RAP1GAP2: variants seen among roughly 807,000 people sequenced by gnomAD.
RAP1GAP2 encodes the protein rap1 GTPase-activating protein 2.
RAP1GAP2 carries 27 observed loss-of-function variants against 95.0 expected under a neutral mutation model. The ratio of observed to expected loss-of-function variants is 0.28; its 90% confidence interval spans 0.21 to 0.39. The LOEUF (loss-of-function observed/expected upper bound fraction) is 0.39, where lower values mean the gene tolerates loss of function less well. Ranked by LOEUF, RAP1GAP2 falls within the 10% of genes least tolerant of loss-of-function variation. The probability of loss-of-function intolerance (pLI) is 1.00; values close to 1 mark genes in which losing one functional copy is unlikely to be tolerated. For missense variants in RAP1GAP2, 771 were observed against 970.0 expected, an observed-to-expected ratio of 0.79 and a Z score of 2.72; for synonymous variants, 373 against 380.9, an observed-to-expected ratio of 0.98 and a Z score of 0.24.
At position 2,827,791 on chromosome 17, in the gene RAP1GAP2, T is replaced by C. The variant is rs1365615426; in HGVS notation, c.80+27241T>C. Among the ~76,000 whole-genome samples, 1 of 150,472 alleles carries C rather than the reference T, an allele frequency of 6.6e-6. No homozygotes were observed. On this transcript the variant is annotated intron_variant, in intron 2 of 24. Transcript: ENST00000254695. This position sits in a 1 kb window ranked among gnomAD's most constrained non-coding sequence, Gnocchi z 4.1. ...ATCTGGTCAGCATCTCTTTGGTTGC[T>C]TTTTATCAGCTTCCTATTAGAAAAA...
At chr17:2,969,898 C>T (rs1185975459) in intron 8 of RAP1GAP2, among the ~76,000 whole-genome samples, 3 of 151,964 alleles carry the variant, frequency 2.0e-5, no homozygotes, top group Non-Finnish European at 4.4e-5. Flanking sequence ...AGAGATTTTT[C>T]CGTATTAGCA....
In RAP1GAP2 at chr17:2,902,255, C is replaced by T. The variant is rs1280100825; in HGVS notation, c.81-3029C>T. 1.3e-5 allele frequency among the ~76,000 whole-genome samples: 2 copies of T among 150,914 alleles called. No individual in the cohort carries two copies. Among genetic ancestry groups the T allele is most frequent in the East Asian group, 3.9e-4 (2 of 5,154 alleles). On this transcript the variant is annotated intron_variant, in intron 2 of 24. Coordinates refer to ENST00000254695, the MANE Select transcript of RAP1GAP2 (RefSeq NM_015085.5). The surrounding 1 kb of genome is among the most constrained non-coding windows in gnomAD (Gnocchi z 4.1). The stretch of plus-strand genomic sequence containing the variant: ...TTTTTGAGATGGAGTCTTGCTCTGT[C>T]ACCCGAGCTGGAGTGCAGTGGCACG...
intron 2 of RAP1GAP2, among the ~76,000 whole-genome samples, chr17:2,810,244 C>T (rs1259199333): frequency 1.3e-5 from 2 of 152,062 alleles, no homozygotes; most frequent in African/African-American, 2.4e-5. Context: ...GAACCTAATC[C>T]CCGATGGCCT....
chr17:2,922,524 C>T (rs1181507169), intron 3 of RAP1GAP2, among the ~76,000 whole-genome samples: 1 of 152,190 alleles, frequency 6.6e-6, no homozygotes, highest in Non-Finnish European at 1.5e-5. Flanking sequence ...CCAGCACCTG[C>T]TCTCCTTGTG....
At chr17:2,828,354 C>CAA (rs1032037464) in intron 2 of RAP1GAP2, among the ~76,000 whole-genome samples, 3 of 149,910 alleles carry the variant, frequency 2.0e-5, no homozygotes, top group South Asian at 2.1e-4. Context: ...CAACAACAAA[C>CAA]AAACAAAAAT....
intron 1 of RAP1GAP2, among the ~76,000 whole-genome samples, chr17:2,763,617 A>C (rs949487837): frequency 2.6e-5 from 4 of 151,878 alleles, no homozygotes; most frequent in African/African-American, 9.7e-5. Flanking sequence ...AATCTCTTGA[A>C]CTTGGGAGGT....
At chr17:3,013,501 ACTCCTCACACTTACCCAGCCTGCCGC>A (rs1597873994) in intron 17 of RAP1GAP2, among the ~76,000 whole-genome samples, 1 of 150,960 alleles carries the variant, frequency 6.6e-6, no homozygotes, top group Non-Finnish European at 1.5e-5. Context: ...CCCGGTGCTG[ACTCCTCACACTTACCCAGCCTGCCGC>A]CTCCTCACAC....
At chr17:2,793,373 C>T (rs1283169487), upstream of RAP1GAP2, among the ~76,000 whole-genome samples, 1 of 152,124 alleles carries the variant, frequency 6.6e-6, no homozygotes, top group East Asian at 1.9e-4. Context: ...AGGCTGGTCT[C>T]GAACTCCTGA....
intron 19 of RAP1GAP2, among the ~76,000 whole-genome samples, chr17:3,024,819 A>G (rs780894380): frequency 3.9e-5 from 6 of 152,248 alleles, no homozygotes; most frequent in Non-Finnish European, 7.3e-5. Flanking sequence ...ACCATAACAT[A>G]TTATATGATT....
At chr17:2,930,521 C>T (rs1033185044) in intron 3 of RAP1GAP2, among the ~76,000 whole-genome samples, 4 of 152,224 alleles carry the variant, frequency 2.6e-5, no homozygotes, top group Non-Finnish European at 5.9e-5. Flanking sequence ...TTCGCAGGCT[C>T]ATCCGGAGTT....
At chr17:2,990,570 G>A (rs982827381) in intron 11 of RAP1GAP2, among the ~76,000 whole-genome samples, 1 of 152,154 alleles carries the variant, frequency 6.6e-6, no homozygotes, top group African/African-American at 2.4e-5. Context: ...GTGACTCTGC[G>A]TTTAGCTTTC....
Position 3,001,639 on chromosome 17 carries a change from A to G in RAP1GAP2, c.1200+3263A>G, listed in dbSNP as rs1009291315. On this transcript the variant is annotated intron_variant, in intron 14 of 24. Coordinates refer to ENST00000254695, the MANE Select transcript of RAP1GAP2 (RefSeq NM_015085.5). ...ATGCCGGAGAAGGGATAGAAGAAGC[A>G]GGGAGTACAGGTCAGCCACTGGGCA... 1.2e-4 allele frequency among the ~76,000 whole-genome samples: 19 copies of G among 152,150 alleles called. 1 individual carries two copies. Among genetic ancestry groups the G allele is most frequent in the African/African-American group, 4.6e-4 (19 of 41,386 alleles).
intron 4 of RAP1GAP2, among the ~76,000 whole-genome samples, chr17:2,958,355 G>A (rs1312772754): frequency 6.6e-6 from 1 of 152,160 alleles, no homozygotes. Flanking sequence ...GGTGTGTGAT[G>A]TGGGTTTGGG....
At chr17:3,007,989 T>C (rs1462537209) in intron 16 of RAP1GAP2, 22 bp from the exon 17 acceptor site, 8 of 1,611,838 alleles carry the variant, frequency 5.0e-6, no homozygotes, top group Non-Finnish European at 6.8e-6. Context: ...AGCTTCTCCA[T>C]CCCCACCCTC....
chr17:2,954,938 A>T (rs1189540511), intron 3 of RAP1GAP2, among the ~76,000 whole-genome samples: 1 of 152,164 alleles, frequency 6.6e-6, no homozygotes, highest in Non-Finnish European at 1.5e-5. Flanking sequence ...AAGGGTCAGC[A>T]GTGTTGTGGC....
At chr17:2,869,865 G>A (rs909412864) in intron 2 of RAP1GAP2, among the ~76,000 whole-genome samples, 6 of 152,208 alleles carry the variant, frequency 3.9e-5, no homozygotes, top group African/African-American at 7.2e-5. Flanking sequence ...TCTGGTGAGC[G>A]GGGACGTATA....
intron 1 of RAP1GAP2, among the ~76,000 whole-genome samples, chr17:2,768,972 A>C (rs921315717): frequency 2.0e-5 from 3 of 151,016 alleles, no homozygotes; most frequent in African/African-American, 7.4e-5. Flanking sequence ...CACTCCTGTA[A>C]ACCCAGCACT....
chr17:2,801,662 C>T (rs1233976506), intron 2 of RAP1GAP2, among the ~76,000 whole-genome samples: 1 of 141,690 alleles, frequency 7.1e-6, no homozygotes, highest in African/African-American at 2.7e-5. Flanking sequence ...GTCAGCTGCT[C>T]ATCAAGTCAT....
chr17:2,757,004 A>G (rs1377463260), intron 1 of RAP1GAP2, among the ~76,000 whole-genome samples: 5 of 152,254 alleles, frequency 3.3e-5, no homozygotes, highest in African/African-American at 1.2e-4. Flanking sequence ...CGAAAATCCC[A>G]CAGTGTCAGA....
Sources: gnomAD v4.1 joint callset for allele counts (sites outside exome capture counted in the v4.1 genomes callset) on GRCh38, gnomAD v4.1.1 for gene constraint, Gnocchi (gnomAD v3.1) non-coding constraint, MANE v1.5 for transcripts, NCBI Gene and HGNC (gene_info 2026-07-23, HGNC 2026-07-21) for gene names.